The following USP37 variants were observed in gnomAD, a reference collection of about 807,000 sequenced individuals.
The protein encoded by USP37 is ubiquitin carboxyl-terminal hydrolase 37.
In USP37, 27 loss-of-function variants were observed where a neutral mutation model predicts 124.0. That is an observed-to-expected ratio of 0.22 (90% confidence interval 0.16 to 0.30). The LOEUF is 0.30. Ranked by LOEUF, USP37 falls within the 10% of genes least tolerant of loss-of-function variation. The pLI is 1.00. For synonymous variants in USP37, 365 were observed against 388.0 expected, an observed-to-expected ratio of 0.94 and a Z score of 0.70; for missense variants, 889 against 1,140.4, an observed-to-expected ratio of 0.78 and a Z score of 3.17.
intron 6 of USP37, 138 bp downstream of exon 6, chr2:218,549,671 G>T (rs1574955121): frequency 1.7e-6 from 1 of 595,426 alleles, no homozygotes; most frequent in Non-Finnish European, 2.7e-6. Flanking sequence ...CACCATGTTG[G>T]CCAGGCTGGT....
intron 3 of USP37, among the ~76,000 whole-genome samples, chr2:218,559,939 C>T (rs113637822): frequency 1.3e-3 from 198 of 152,070 alleles, no homozygotes; most frequent in African/African-American, 4.6e-3. Context: ...ATGATTGCAC[C>T]ACTCAATTCC....
intron 8 of USP37, among the ~76,000 whole-genome samples, chr2:218,545,888 G>A (rs565754785): frequency 6.6e-6 from 1 of 151,804 alleles, no homozygotes; most frequent in Non-Finnish European, 1.5e-5. Flanking sequence ...TTTTAATTAA[G>A]CATAAAGAAG....
intron 14 of USP37, among the ~76,000 whole-genome samples, chr2:218,491,683 T>C (rs946184118): frequency 1.3e-5 from 2 of 151,996 alleles, no homozygotes; most frequent in African/African-American, 4.8e-5. Context: ...AAGGCAAAAA[T>C]ACCTCCTCTC....
In USP37 at chr2:218,454,964, G is replaced by A. The variant is rs775995888; in HGVS notation, c.2906C>T (p.Thr969Met). The change falls in exon 26 of 26, where the codon ACG (threonine) becomes ATG (methionine). Residue 969 changes from threonine to methionine, a missense_variant. Thr to Met is a moderately conservative substitution (Grantham distance 81). Coordinates refer to ENST00000258399, the MANE Select transcript of USP37 (RefSeq NM_020935.3). ...CTGACGGGTAGTCTTCCCCACTTCC[G>A]TGCTAAGTGACTGAGAGTTCTTTTC... ...ETEKNSQSLS[T>M]EVGKTTRQAL 44 of 1,613,914 alleles carry A rather than the reference G, an allele frequency of 2.7e-5. No individual in the cohort carries two copies. Among genetic ancestry groups the A allele is most frequent in the Non-Finnish European group, 3.4e-5 (40 of 1,180,026 alleles).
At chr2:218,546,894 T>C in intron 7 of USP37, 25 bp downstream of exon 7, 2 of 1,600,442 alleles carry the variant, frequency 1.2e-6, no homozygotes, top group African/African-American at 2.7e-5. Context: ...ATACAGCTAG[T>C]GACTAAGAAA....
chr2:218,475,514 C>T (rs1415872149), intron 19 of USP37, among the ~76,000 whole-genome samples: 3 of 152,150 alleles, frequency 2.0e-5, no homozygotes, highest in African/African-American at 7.2e-5. Context: ...GCCAGCAGAT[C>T]ACTTGAGGCC....
At chr2:218,497,706 G>T in intron 13 of USP37, 28 bp downstream of exon 13, 2 of 1,612,200 alleles carry the variant, frequency 1.2e-6, no homozygotes, top group South Asian at 1.1e-5. Context: ...TCAGGCCTCT[G>T]AAACGTTTTA....
At chr2:218,458,275 A>AAAAAAAC in intron 23 of USP37, among the ~76,000 whole-genome samples, 1 of 145,124 alleles carries the variant, frequency 6.9e-6, no homozygotes, top group African/African-American at 2.5e-5. Context: ...AAAAAAAAAA[A>AAAAAAAC]ACAACTCTAT....
intron 1 of USP37, among the ~76,000 whole-genome samples, chr2:218,565,111 T>C (rs1307161101): frequency 1.3e-5 from 2 of 152,066 alleles, no homozygotes; most frequent in Non-Finnish European, 2.9e-5. Flanking sequence ...TTTATAGACA[T>C]GGGGTTTTGC....
At chr2:218,567,270 T>A (rs761092118) in intron 1 of USP37, among the ~76,000 whole-genome samples, 2 of 152,168 alleles carry the variant, frequency 1.3e-5, no homozygotes, top group Non-Finnish European at 2.9e-5. Flanking sequence ...ACTGATGACT[T>A]TTTTCATGGC....
intron 11 of USP37, among the ~76,000 whole-genome samples, chr2:218,499,551 A>G (rs1439203172): frequency 2.6e-5 from 4 of 152,240 alleles, no homozygotes; most frequent in Non-Finnish European, 5.9e-5. Flanking sequence ...CAGTAAATGT[A>G]ACACTGATAC....
intron 9 of USP37, among the ~76,000 whole-genome samples, chr2:218,530,832 G>A (rs1365767793): frequency 1.3e-5 from 2 of 152,088 alleles, no homozygotes; most frequent in Non-Finnish European, 2.9e-5. Context: ...TAGTGGTCTC[G>A]GCAGAAGATC....
chr2:218,466,270 C>T lies in USP37; in HGVS notation c.2300-94G>A, dbSNP rs1690313343. On this transcript the variant is annotated intron_variant, in intron 20 of 25. Coordinates refer to ENST00000258399, the MANE Select transcript of USP37 (RefSeq NM_020935.3). ...ACCTACTGTTCATAAAGCAATTTAC[C>T]CTAATTTCATCTATAATTTGCTTAG... 5.2e-6 allele frequency: 7 copies of T among 1,339,612 alleles called. No individual in the cohort carries two copies. The South Asian group carries it at 1.0e-4, about 20-fold the overall frequency. The allele number at this position is 1,339,612 out of a possible 1,614,324, so 83.0% of individuals were successfully genotyped here.
chr2:218,567,935 G>A (rs1000463999), intron 1 of USP37, among the ~76,000 whole-genome samples: 1 of 152,184 alleles, frequency 6.6e-6, no homozygotes, highest in Non-Finnish European at 1.5e-5. Flanking sequence ...GAGAAAAGGG[G>A]CCAGGTTTGA....
chr2:218,557,095 C>T (rs548150309), intron 4 of USP37, among the ~76,000 whole-genome samples: 1 of 152,188 alleles, frequency 6.6e-6, no homozygotes, highest in African/African-American at 2.4e-5. Flanking sequence ...TCTTGGACTC[C>T]TGGACTCAAG....
chr2:218,547,365 T>C (rs2106045003), intron 6 of USP37, among the ~76,000 whole-genome samples: 1 of 152,252 alleles, frequency 6.6e-6, no homozygotes, highest in East Asian at 1.9e-4. Flanking sequence ...GATACATCTC[T>C]AGAGATTCTA....
intron 19 of USP37, among the ~76,000 whole-genome samples, chr2:218,475,788 T>A (rs528965939): frequency 6.6e-6 from 1 of 151,862 alleles, no homozygotes; most frequent in Non-Finnish European, 1.5e-5. Flanking sequence ...TAGGGAGATG[T>A]TGTGGTGTAC....
chr2:218,567,943 T>C (rs1174978280), intron 1 of USP37, among the ~76,000 whole-genome samples: 4 of 151,938 alleles, frequency 2.6e-5, no homozygotes, highest in Admixed American at 2.0e-4. Context: ...GGGCCAGGTT[T>C]GAGTTTCGGA....
chr2:218,555,055 C>A (rs544963820), intron 4 of USP37, among the ~76,000 whole-genome samples: 2 of 152,242 alleles, frequency 1.3e-5, no homozygotes, highest in East Asian at 3.9e-4. Context: ...TTAGACTCTA[C>A]CAGACTTTGG....
Sources: allele counts gnomAD v4.1 joint callset (sites outside exome capture counted in the v4.1 genomes callset), GRCh38; gene constraint gnomAD v4.1.1; transcripts MANE v1.5; gene names NCBI Gene and HGNC (gene_info 2026-07-23, HGNC 2026-07-21).